TTC23L: variants seen among roughly 807,000 people sequenced by gnomAD.
TTC23L encodes the protein tetratricopeptide repeat domain 23 like.
A neutral mutation model predicts 48.1 loss-of-function variants in TTC23L; 42 were observed. That is an observed-to-expected ratio of 0.87 (90% CI 0.68 to 1.13). The LOEUF (loss-of-function observed/expected upper bound fraction) is 1.13. TTC23L is among the 50% of genes most tolerant of loss of function. The probability of loss-of-function intolerance (pLI) is 0.00; values close to 1 mark genes in which losing one functional copy is unlikely to be tolerated. For synonymous variants in TTC23L, 159 were observed against 157.2 expected (o/e 1.01, Z -0.09); for missense variants, 391 against 421.0 (o/e 0.93, Z 0.62).
chr5:34,863,220 T>C lies in TTC23L; in HGVS notation c.536+166T>C, dbSNP rs1228887155. On this transcript the variant is annotated intron_variant, in intron 5 of 10. Transcript: ENST00000505624. This position sits in a 1 kb window ranked among gnomAD's most constrained non-coding sequence, Gnocchi z 4.1. The stretch of plus-strand genomic sequence containing the variant: ...TCCTCTCCATCTAGAAGGGTGTGTA[T>C]TCTCTTCCTATGTCTATTCATATAA... Among the ~76,000 whole-genome samples the C allele has an allele frequency of 1.3e-5, 2 of 152,190 alleles. No individual in the cohort carries two copies. The highest frequency in any genetic ancestry group is 4.8e-5 in the African/African-American group (2 of 41,446).
At chr5:34,904,840 T>C in the TTC23L span, among the ~76,000 whole-genome samples, 380 of 152,304 alleles carry the variant, frequency 2.5e-3, 4 homozygotes, top group African/African-American at 8.7e-3. Context: ...GCCACAGGGT[T>C]TACTAGATTG....
At chr5:34,911,114 AG>A in the TTC23L span, among the ~76,000 whole-genome samples, 11 of 152,348 alleles carry the variant, frequency 7.2e-5, no homozygotes, top group South Asian at 2.3e-3. Context: ...AAGATGAATA[AG>A]CACACGGTAG....
chr5:34,920,611 A>T, the TTC23L span: 1 of 152,188 alleles, frequency 6.6e-6, no homozygotes, highest in Non-Finnish European at 1.5e-5. Flanking sequence ...TCAAGTAAAG[A>T]CAGGAGAAAT....
rs1761944889 is a variant in TTC23L at position 34,877,610 on chromosome 5, G to T, written c.950-2571G>T. 8.5e-5 allele frequency among the ~76,000 whole-genome samples: 13 copies of T among 152,102 alleles called. 1 individual carries two copies. In the South Asian group the frequency reaches 2.7e-3, roughly 32 times the overall value. ...GGCTAATTTTTGTATTTTTAGTAGAGACGGGGTTTCACCATGTTGGCCAGG... is the reference window on the plus strand; with the variant it reads ...GGCTAATTTTTGTATTTTTAGTAGATACGGGGTTTCACCATGTTGGCCAGG... On this transcript the variant is annotated intron_variant, in intron 8 of 10. Transcript: ENST00000505624.
chr5:34,889,686 G>T (rs1455386638), intron 9 of TTC23L, among the ~76,000 whole-genome samples: 1 of 151,964 alleles, frequency 6.6e-6, no homozygotes, highest in East Asian at 1.9e-4. Context: ...CCTGCCTGTT[G>T]GTGTATATGA....
chr5:34,859,701 A>G (rs1285200718), intron 4 of TTC23L, among the ~76,000 whole-genome samples: 1 of 152,088 alleles, frequency 6.6e-6, no homozygotes, highest in Non-Finnish European at 1.5e-5. Flanking sequence ...ACTGTGAGAA[A>G]TTTCTGTTCT....
rs184003219 is a variant in TTC23L, at chr5:34,863,733, G to C, written c.536+679G>C. 6.6e-6 allele frequency among the ~76,000 whole-genome samples: 1 copy of C among 152,284 alleles called. No individual in the cohort carries two copies. The highest frequency in any genetic ancestry group is 6.5e-5 in the Admixed American group (1 of 15,302). ...GTACTGTTATATGTGCCTTTCCTCA[G>C]AACTGGGGATTCTGACAGCCTGTTG... is the stretch of plus-strand genomic sequence containing the variant. On this transcript the variant is annotated intron_variant, in intron 5 of 10. Coordinates refer to ENST00000505624, the Ensembl canonical transcript of TTC23L. This position sits in a 1 kb window ranked among gnomAD's most constrained non-coding sequence, Gnocchi z 4.1.
chr5:34,919,609 A>G, the TTC23L span, among the ~76,000 whole-genome samples: 8 of 152,200 alleles, frequency 5.3e-5, no homozygotes, highest in Non-Finnish European at 1.0e-4. Flanking sequence ...TGCTTACACT[A>G]TAATTTCTAA....
chr5:34,922,602 A>G, the TTC23L span: 1 of 1,601,656 alleles, frequency 6.2e-7, no homozygotes. Flanking sequence ...AGTTGACTCA[A>G]TAAATTTTTT....
chr5:34,865,292 A>T (rs1035515394), intron 6 of TTC23L, among the ~76,000 whole-genome samples: 10 of 152,214 alleles, frequency 6.6e-5, no homozygotes, highest in African/African-American at 2.4e-4. Context: ...AGGGTATATG[A>T]CTGAATAGTA....
At chr5:34,886,376 A>C (rs944722289) in intron 9 of TTC23L, among the ~76,000 whole-genome samples, 15 of 151,946 alleles carry the variant, frequency 9.9e-5, no homozygotes, top group East Asian at 7.7e-4. Flanking sequence ...AAAAAAAAAA[A>C]AAAAAAACGT....
At chr5:34,885,821 T>A (rs1762507945) in intron 9 of TTC23L, among the ~76,000 whole-genome samples, 1 of 152,054 alleles carries the variant, frequency 6.6e-6, no homozygotes, top group African/African-American at 2.4e-5. Context: ...AAAATATGTG[T>A]GTGTATGCAT....
At chr5:34,889,832 T>G (rs191863381) in intron 9 of TTC23L, among the ~76,000 whole-genome samples, 7 of 152,114 alleles carry the variant, frequency 4.6e-5, no homozygotes, top group African/African-American at 7.2e-5. Context: ...GGTGGGGTTT[T>G]TTTTTGTTTT....
At chr5:34,923,595 G>T in the TTC23L span, among the ~76,000 whole-genome samples, 1 of 152,000 alleles carries the variant, frequency 6.6e-6, no homozygotes, top group East Asian at 1.9e-4. Flanking sequence ...TTTTTTTAGA[G>T]ATAGAGTGTC....
chr5:34,839,668 T>C (rs1040973182), intron 1 of TTC23L: 1 of 985,114 alleles, frequency 1.0e-6, no homozygotes, highest in Admixed American at 6.1e-5. Context: ...AGAAAGCCAC[T>C]CAGGGCTCGG....
At chr5:34,925,569 TCTAATACTATC>T in the TTC23L span, 1 of 1,262,792 alleles carries the variant, frequency 7.9e-7, no homozygotes, top group Non-Finnish European at 1.1e-6. Context: ...ACTTTTATTA[TCTAATACTATC>T]TTACGTCTAA....
At chr5:34,865,867 C>T (rs1256767555) in intron 6 of TTC23L, among the ~76,000 whole-genome samples, 1 of 152,134 alleles carries the variant, frequency 6.6e-6, no homozygotes, top group Non-Finnish European at 1.5e-5. Flanking sequence ...ATTTTTAATT[C>T]AACTTAGGAA....
At chr5:34,873,690 C>T (rs903867921) in intron 8 of TTC23L, among the ~76,000 whole-genome samples, 3 of 152,158 alleles carry the variant, frequency 2.0e-5, no homozygotes, top group Non-Finnish European at 4.4e-5. Flanking sequence ...GGGGAGACCA[C>T]AGAAGGGCTA....
At chr5:34,881,722 A>G (rs190685443) in intron 9 of TTC23L, among the ~76,000 whole-genome samples, 96 of 151,390 alleles carry the variant, frequency 6.3e-4, no homozygotes, top group African/African-American at 2.2e-3. Flanking sequence ...ATGATTTGCA[A>G]CCTTTTTTCT....
Sources: allele counts gnomAD v4.1 joint callset (sites outside exome capture counted in the v4.1 genomes callset), GRCh38; gene constraint gnomAD v4.1.1; non-coding constraint Gnocchi (gnomAD v3.1); transcripts MANE v1.5; gene names NCBI Gene and HGNC (gene_info 2026-07-23, HGNC 2026-07-21).